The following PPP1R13B variants were observed in gnomAD, a reference collection of about 807,000 sequenced individuals.
The protein encoded by PPP1R13B is protein phosphatase 1 regulatory subunit 13B.
Under a neutral mutation model 119.8 loss-of-function variants are expected in PPP1R13B, and 44 were observed. The observed-to-expected ratio is 0.37, with a 90% CI of 0.29 to 0.47. PPP1R13B has a LOEUF of 0.47. PPP1R13B is among the 20% of genes least tolerant of loss of function. The probability of loss-of-function intolerance (pLI) is 0.99; values close to 1 mark genes in which losing one functional copy is unlikely to be tolerated. For synonymous variants in PPP1R13B, 542 were observed against 561.5 expected, an observed-to-expected ratio of 0.97 and a Z score of 0.49; for missense variants, 1,227 against 1,413.5, an observed-to-expected ratio of 0.87 and a Z score of 2.12.
chr14:103,816,462 G>A (rs1444174425), intron 1 of PPP1R13B, among the ~76,000 whole-genome samples: 1 of 151,398 alleles, frequency 6.6e-6, no homozygotes, highest in Non-Finnish European at 1.5e-5. Flanking sequence ...CAAGGCGGGC[G>A]GATCAGCTGA....
chr14:103,733,954 G>GACTC lies in PPP1R13B; in HGVS notation c.*1196_*1199dup, dbSNP rs1483533274. 1 of 157,142 alleles carries GACTC rather than the reference G, an allele frequency of 6.4e-6. No homozygotes were observed. Among genetic ancestry groups the GACTC allele is most frequent in the South Asian group, 1.9e-4 (1 of 5,298 alleles). The allele number at this position is 157,142 out of a possible 1,614,324, so 9.7% of individuals were successfully genotyped here. A position where few individuals can be genotyped will look rare whatever the true frequency, so the allele number is the denominator to read the frequency against. ...ACACATTTTTACATAAATTACACACGACTCATACATGAAAAATAGAGCCTA... is the reference window on the plus strand; with the variant it reads ...ACACATTTTTACATAAATTACACACGACTCACTCATACATGAAAAATAGAGCCTA... On this transcript the variant is annotated 3_prime_UTR_variant, in exon 17 of 17. Transcript: ENST00000202556.
chr14:103,743,574 A>G (rs1409503687), intron 9 of PPP1R13B, among the ~76,000 whole-genome samples: 1 of 152,246 alleles, frequency 6.6e-6, no homozygotes, highest in Non-Finnish European at 1.5e-5. Flanking sequence ...TTACAGGAAC[A>G]GGTGCTGAAC....
chr14:103,741,732 CTTAA>C, intron 11 of PPP1R13B, 54 bp downstream of exon 11: 1 of 1,530,672 alleles, frequency 6.5e-7, no homozygotes, highest in Non-Finnish European at 8.8e-7. Flanking sequence ...TTAGTATTTT[CTTAA>C]TTAAAAGTAT....
intron 3 of PPP1R13B, among the ~76,000 whole-genome samples, chr14:103,779,276 C>T (rs2085284048): frequency 6.6e-6 from 1 of 151,702 alleles, no homozygotes; most frequent in Non-Finnish European, 1.5e-5. Context: ...TGTTGCACTC[C>T]AGCCTGGGCA....
Position 103,787,745 on chromosome 14 carries a change from C to T in PPP1R13B, c.158-2831G>A, listed in dbSNP as rs981206253. ...TCGGCTCACTGCAAGCTCCACCTCC[C>T]GGGTTTTACGCCATTCTCCTGCCTC... On this transcript the variant is annotated intron_variant, in intron 2 of 16. Coordinates refer to ENST00000202556, the MANE Select transcript of PPP1R13B (RefSeq NM_015316.3). Among the ~76,000 whole-genome samples the T allele has an allele frequency of 8.6e-5, 13 of 151,316 alleles. 1 individual carries two copies. The highest frequency in any genetic ancestry group is 1.8e-4 in the Non-Finnish European group (12 of 67,890).
rs867557186 is a variant in PPP1R13B, at chr14:103,835,417, G to A, written c.9+11882C>T. Among the ~76,000 whole-genome samples the A allele has an allele frequency of 1.1e-4, 16 of 148,334 alleles. No individual in the cohort carries two copies. The South Asian group carries it at 2.1e-3, about 20-fold the overall frequency. ...TGGGATTACAGGCATGAGCCACTGC[G>A]CCCAGCACTTTTTTTTTTTTTTTTT... On this transcript the variant is annotated intron_variant, in intron 1 of 16. Transcript: ENST00000202556.
Position 103,738,622 on chromosome 14 carries a change from TC to T in PPP1R13B, c.2864+56del. On this transcript the variant is annotated intron_variant, in intron 14 of 16. Coordinates refer to ENST00000202556, the MANE Select transcript of PPP1R13B (RefSeq NM_015316.3). The surrounding 1 kb of genome is among the most constrained non-coding windows in gnomAD (Gnocchi z 5.6). Reference sequence around the variant, plus strand: ...CTAATTGTCTAGAACACGCCTGTTTTCCTTATGCAAAGCAGGGAAAGTAAAT... The same window carrying T: ...CTAATTGTCTAGAACACGCCTGTTTTCTTATGCAAAGCAGGGAAAGTAAAT... 1 of 1,602,616 alleles carries T rather than the reference TC, an allele frequency of 6.2e-7. No homozygotes were observed. The highest frequency in any genetic ancestry group is 8.5e-7 in the Non-Finnish European group (1 of 1,171,408).
At position 103,749,759 on chromosome 14, in the gene PPP1R13B, T is replaced by G. The variant is rs1400460404; in HGVS notation, c.969+35A>C. On this transcript the variant is annotated intron_variant, in intron 8 of 16. Coordinates refer to ENST00000202556, the MANE Select transcript of PPP1R13B (RefSeq NM_015316.3). ...TGGGCAATGCTTGGATAAACTATCT[T>G]TAGTAGTTTATCTCACAAAAACTTT... The G allele has an allele frequency of 3.1e-6, 5 of 1,598,644 alleles. No homozygotes were observed. In the African/African-American group the frequency reaches 6.7e-5, roughly 21 times the overall value.
intron 4 of PPP1R13B, among the ~76,000 whole-genome samples, chr14:103,764,895 T>C (rs1194880923): frequency 6.6e-6 from 1 of 152,142 alleles, no homozygotes; most frequent in Non-Finnish European, 1.5e-5. Context: ...CTCGGCTCAC[T>C]GCAAGCTCTG....
Position 103,737,790 on chromosome 14 carries a change from C to T in PPP1R13B, c.2935G>A (p.Ala979Thr), listed in dbSNP as rs764347014. The change falls in exon 15 of 17, where the codon GCC becomes ACC. Residue 979 changes from alanine (A) to threonine (T), a missense_variant. Coordinates refer to ENST00000202556, the MANE Select transcript of PPP1R13B (RefSeq NM_015316.3). ...LCKQLVESGA[A>T]IFASTISDIE... ...TCGCTTATGGTTGAGGCAAAAATGG[C>T]GGCACCACTCTCCACCAGCTGTTTG... 2 of 1,614,060 alleles carry T rather than the reference C, an allele frequency of 1.2e-6. No individual in the cohort carries two copies. The highest frequency in any genetic ancestry group is 1.7e-5 in the Admixed American group (1 of 60,002).
chr14:103,848,393 G>C (rs946216520), upstream of PPP1R13B: 4 of 985,342 alleles, frequency 4.1e-6, no homozygotes, highest in Admixed American at 2.5e-4. Flanking sequence ...TCGGGCCTGA[G>C]CGCCGGAGTG....
chr14:103,742,785 T>A lies in PPP1R13B; in HGVS notation c.1189A>T (p.Ser397Cys). The change falls in exon 10 of 17, where the codon AGC becomes TGC. Residue 397 changes from serine (S) to cysteine (C), a missense_variant. Coordinates refer to ENST00000202556, the MANE Select transcript of PPP1R13B (RefSeq NM_015316.3). This position sits in a 1 kb window ranked among gnomAD's most constrained non-coding sequence, Gnocchi z 4.9. ...ACCTGCACTGGTTTCACGGAAGAGC[T>A]AGAATTCTGTTTTAATGTTGGCCAG... ...GNWPTLKQNS[S>C]SSVKPVQVAG... The A allele has an allele frequency of 6.2e-7, 1 of 1,614,150 alleles. No individual in the cohort carries two copies. Among genetic ancestry groups the A allele is most frequent in the Non-Finnish European group, 8.5e-7 (1 of 1,180,030 alleles).
intron 4 of PPP1R13B, among the ~76,000 whole-genome samples, chr14:103,763,667 T>C (rs990185621): frequency 6.6e-6 from 1 of 152,222 alleles, no homozygotes; most frequent in South Asian, 2.1e-4. Flanking sequence ...AATTTACATA[T>C]CCTAAAATTC....
upstream of PPP1R13B, chr14:103,847,614 G>T: frequency 1.0e-6 from 1 of 985,976 alleles, no homozygotes; most frequent in Non-Finnish European, 1.2e-6. Context: ...GCCCCCGCAG[G>T]CCCCGCCCCC....
chr14:103,804,731 C>T (rs1025575586), intron 1 of PPP1R13B, among the ~76,000 whole-genome samples: 1 of 151,284 alleles, frequency 6.6e-6, no homozygotes, highest in Non-Finnish European at 1.5e-5. Context: ...GAGATCCCAT[C>T]TCTAAGGAAA....
chr14:103,818,370 T>C, intron 1 of PPP1R13B: 3 of 531,032 alleles, frequency 5.6e-6, no homozygotes, highest in Non-Finnish European at 7.2e-6. Flanking sequence ...ATTAAAACAT[T>C]AGGCTGCATA....
At chr14:103,838,542 T>C (rs2086829934) in intron 1 of PPP1R13B, among the ~76,000 whole-genome samples, 1 of 152,162 alleles carries the variant, frequency 6.6e-6, no homozygotes, top group Non-Finnish European at 1.5e-5. Context: ...GTGCATATAC[T>C]GAAAACCAAT....
intron 1 of PPP1R13B, among the ~76,000 whole-genome samples, chr14:103,811,892 T>C (rs1196824620): frequency 6.6e-6 from 1 of 150,708 alleles, no homozygotes; most frequent in Non-Finnish European, 1.5e-5. Flanking sequence ...CCGTCTCTAC[T>C]AAAAATACAA....
chr14:103,819,304 T>C lies in PPP1R13B; in HGVS notation c.10-21786A>G, dbSNP rs150198273. Among the ~76,000 whole-genome samples, 434 of 152,166 alleles carry C rather than the reference T, an allele frequency of 2.9e-3. 2 individuals are homozygous for C. The highest frequency in any genetic ancestry group is 9.8e-3 in the African/African-American group (408 of 41,504). On this transcript the variant is annotated intron_variant, in intron 1 of 16. Coordinates refer to ENST00000202556, the MANE Select transcript of PPP1R13B (RefSeq NM_015316.3). ...GGTTTACAGGTTCACTGTGGCTGCT[T>C]TGTTGAGAACAGACTGAGGCGGGGA... is the stretch of plus-strand genomic sequence containing the variant.
Sources: gnomAD v4.1 joint callset for allele counts (sites outside exome capture counted in the v4.1 genomes callset) on GRCh38, gnomAD v4.1.1 for gene constraint, Gnocchi (gnomAD v3.1) non-coding constraint, MANE v1.5 for transcripts, NCBI Gene and HGNC (gene_info 2026-07-23, HGNC 2026-07-21) for gene names.